The following MAGI1 variants were observed in gnomAD, a reference collection of about 807,000 sequenced individuals.
MAGI1 encodes membrane associated guanylate kinase, WW and PDZ domain containing 1, also known as membrane-associated guanylate kinase, WW and PDZ domain-containing protein 1.
In MAGI1, 58 loss-of-function variants were observed where a neutral mutation model predicts 139.9. The observed-to-expected ratio is 0.41, with a 90% CI of 0.34 to 0.52. The LOEUF is 0.52. Among genes scored for constraint, MAGI1 ranks in the 20% least tolerant of loss-of-function variants. The probability of loss-of-function intolerance (pLI) is 0.12; values close to 1 mark genes in which losing one functional copy is unlikely to be tolerated. For synonymous variants in MAGI1, 812 were observed against 737.9 expected, an observed-to-expected ratio of 1.10 and a Z score of -1.63; for missense variants, 1,874 against 1,901.6, an observed-to-expected ratio of 0.99 and a Z score of 0.27.
At chr3:65,897,385 G>A (rs1049569872) in intron 1 of MAGI1, among the ~76,000 whole-genome samples, 5 of 151,484 alleles carry the variant, frequency 3.3e-5, no homozygotes, top group African/African-American at 1.2e-4. Context: ...ACCAAACACC[G>A]CATGTTCTCA....
intron 2 of MAGI1, among the ~76,000 whole-genome samples, chr3:65,543,760 G>GC (rs1304425222): frequency 6.6e-5 from 10 of 151,850 alleles, no homozygotes; most frequent in Non-Finnish European, 1.3e-4. Flanking sequence ...AGGGATGGGG[G>GC]GGGGTACAAG....
chr3:65,898,228 A>C (rs1390671128), intron 1 of MAGI1, among the ~76,000 whole-genome samples: 8 of 152,174 alleles, frequency 5.3e-5, no homozygotes, highest in Non-Finnish European at 1.2e-4. Context: ...TTTCTCCCCA[A>C]AATCCTACCT....
chr3:65,461,483 T>C (rs1559574846), intron 5 of MAGI1, among the ~76,000 whole-genome samples: 2 of 137,950 alleles, frequency 1.4e-5, no homozygotes, highest in African/African-American at 5.3e-5. Flanking sequence ...CCAATGTTTC[T>C]TGACTTTTTT....
Position 65,716,398 on chromosome 3 carries a change from C to A in MAGI1, c.314-94310G>T, listed in dbSNP as rs567764849. Among the ~76,000 whole-genome samples the A allele has an allele frequency of 2.4e-4, 37 of 152,282 alleles. 2 individuals carry two copies. The South Asian group carries it at 5.2e-3, about 21-fold the overall frequency. ...AGAAGGAAAATAAAAATAATAAATT[C>A]TTCTCCATCTAGGATAGATTTATCA... On this transcript the variant is annotated intron_variant, in intron 1 of 22. Transcript: ENST00000402939.
chr3:65,518,997 G>A (rs907150159), intron 2 of MAGI1, among the ~76,000 whole-genome samples: 1 of 152,028 alleles, frequency 6.6e-6, no homozygotes, highest in African/African-American at 2.4e-5. Context: ...ATGCACAGAG[G>A]ACTAAAGGAA....
At chr3:65,659,990 T>C (rs2086104499) in intron 1 of MAGI1, among the ~76,000 whole-genome samples, 1 of 152,100 alleles carries the variant, frequency 6.6e-6, no homozygotes, top group Non-Finnish European at 1.5e-5. Context: ...AAATTACAAG[T>C]TGGCCACATA....
At chr3:65,584,086 GAA>G (rs542674034) in intron 2 of MAGI1, among the ~76,000 whole-genome samples, 111 of 95,872 alleles carry the variant, frequency 1.2e-3, no homozygotes, top group African/African-American at 2.1e-3. Context: ...ATCTACTCTT[GAA>G]AAAAAAAAAA....
chr3:65,948,338 C>T (rs2106913993), intron 1 of MAGI1, among the ~76,000 whole-genome samples: 1 of 152,320 alleles, frequency 6.6e-6, no homozygotes, highest in South Asian at 2.1e-4. Flanking sequence ...CTAAATGACT[C>T]CCTTGTTTCA....
At chr3:66,007,063 A>G (rs1240080993) in intron 1 of MAGI1, among the ~76,000 whole-genome samples, 1 of 151,512 alleles carries the variant, frequency 6.6e-6, no homozygotes, top group African/African-American at 2.4e-5. Context: ...CTGGTCTCAA[A>G]CTCCTGGCTT....
intron 2 of MAGI1, among the ~76,000 whole-genome samples, chr3:65,504,284 C>A (rs1238781083): frequency 6.6e-6 from 1 of 152,100 alleles, no homozygotes; most frequent in Non-Finnish European, 1.5e-5. Context: ...GGATACAAAC[C>A]CCTCAGCAAA....
At chr3:65,777,850 A>G (rs936574317) in intron 1 of MAGI1, among the ~76,000 whole-genome samples, 1 of 152,166 alleles carries the variant, frequency 6.6e-6, no homozygotes, top group Non-Finnish European at 1.5e-5. Flanking sequence ...TCTGTGAAAG[A>G]TTAAATTAAA....
At chr3:65,991,354 T>C (rs1212444262) in intron 1 of MAGI1, among the ~76,000 whole-genome samples, 1 of 148,070 alleles carries the variant, frequency 6.8e-6, no homozygotes, top group South Asian at 2.2e-4. Flanking sequence ...TATATGAATA[T>C]GGCAAAACTC....
At chr3:65,787,768 AAC>A (rs1265021354) in intron 1 of MAGI1, among the ~76,000 whole-genome samples, 2 of 152,058 alleles carry the variant, frequency 1.3e-5, no homozygotes, top group Admixed American at 6.6e-5. Flanking sequence ...TGGATATGAT[AAC>A]ACCGCTGAAT....
chr3:66,015,565 A>AT (rs1560112921), intron 1 of MAGI1, among the ~76,000 whole-genome samples: 1 of 152,214 alleles, frequency 6.6e-6, no homozygotes, highest in East Asian at 1.9e-4. Context: ...ATGAGTTGAT[A>AT]AAAAGCACTT....
intron 1 of MAGI1, among the ~76,000 whole-genome samples, chr3:66,004,346 C>T (rs2066904335): frequency 6.6e-6 from 1 of 152,126 alleles, no homozygotes; most frequent in African/African-American, 2.4e-5. Flanking sequence ...CATCTTCACT[C>T]GCATGTCTAG....
intron 1 of MAGI1, among the ~76,000 whole-genome samples, chr3:65,765,238 C>T (rs1004919606): frequency 6.6e-6 from 1 of 152,242 alleles, no homozygotes; most frequent in East Asian, 1.9e-4. Context: ...ACAATGAATC[C>T]TACTTATAGG....
At chr3:65,526,439 C>T (rs565020780) in intron 2 of MAGI1, among the ~76,000 whole-genome samples, 2 of 152,194 alleles carry the variant, frequency 1.3e-5, no homozygotes, top group African/African-American at 4.8e-5. Context: ...GTATGTTATG[C>T]AGCAATTATG....
chr3:65,845,018 C>T (rs903111812), intron 1 of MAGI1, among the ~76,000 whole-genome samples: 8 of 151,878 alleles, frequency 5.3e-5, no homozygotes, highest in African/African-American at 1.7e-4. Context: ...TTTGGGAGGC[C>T]GAGGTGGGAG....
At chr3:65,522,177 A>T (rs186174422) in intron 2 of MAGI1, among the ~76,000 whole-genome samples, 2 of 152,318 alleles carry the variant, frequency 1.3e-5, no homozygotes, top group Non-Finnish European at 2.9e-5. Flanking sequence ...AATGTCAAAA[A>T]GCACTGAGTT....
Sources: gnomAD v4.1 joint callset for allele counts (sites outside exome capture counted in the v4.1 genomes callset) on GRCh38, gnomAD v4.1.1 for gene constraint, MANE v1.5 for transcripts, NCBI Gene and HGNC (gene_info 2026-07-23, HGNC 2026-07-21) for gene names.